Variants in TMEM263 observed in about 807,000 individuals in gnomAD.
TMEM263 encodes UPF0444 transmembrane protein C12orf23.
Under a neutral mutation model 8.6 loss-of-function variants are expected in TMEM263, and 5 were observed. The ratio of observed to expected loss-of-function variants is 0.58; its 90% confidence interval spans 0.31 to 1.23. The LOEUF is 1.23. Among genes scored for constraint, TMEM263 ranks in the 50% most tolerant of loss-of-function variants. The pLI is 0.07. For missense variants in TMEM263, 104 were observed against 138.8 expected (o/e 0.75, Z 1.26); for synonymous variants, 50 against 47.9 (o/e 1.04, Z -0.18).
chr12:106,968,361 GT>G (rs1254517564), intron 3 of TMEM263, among the ~76,000 whole-genome samples: 12 of 148,840 alleles, frequency 8.1e-5, no homozygotes, highest in Admixed American at 6.9e-4. Context: ...GGGCGACAGA[GT>G]GAGACTCCGT....
intron 1 of TMEM263, 92 bp downstream of exon 1, chr12:106,956,157 TC>T: frequency 1.6e-6 from 1 of 637,542 alleles, no homozygotes; most frequent in Non-Finnish European, 2.0e-6. Flanking sequence ...GCCCCTCACC[TC>T]CCAGTGCCCG....
At chr12:106,961,464 C>G (rs1383002265) in intron 2 of TMEM263, among the ~76,000 whole-genome samples, 1 of 151,684 alleles carries the variant, frequency 6.6e-6, no homozygotes. Context: ...AATTGCAAAC[C>G]AGGGAGAAAT....
intron 1 of TMEM263, 73 bp downstream of exon 1, chr12:106,956,138 G>T: frequency 1.2e-6 from 1 of 817,856 alleles, no homozygotes; most frequent in African/African-American, 1.8e-5. Flanking sequence ...CTCTGCCGTC[G>T]GCGCCCCTGC....
chr12:106,963,744 T>C (rs1323979846), intron 2 of TMEM263, among the ~76,000 whole-genome samples: 1 of 152,208 alleles, frequency 6.6e-6, no homozygotes, highest in African/African-American at 2.4e-5. Flanking sequence ...TATGCTCTCA[T>C]AAAGCAGAAC....
intron 2 of TMEM263, among the ~76,000 whole-genome samples, chr12:106,963,473 A>G (rs4964510): frequency 0.14 from 20,792 of 152,174 alleles, 2,015 homozygotes; most frequent in African/African-American, 0.26. Context: ...GCAGAATTCA[A>G]AGGTGACCCT....
chr12:106,968,185 C>G (rs1401371057), intron 3 of TMEM263, among the ~76,000 whole-genome samples: 1 of 152,074 alleles, frequency 6.6e-6, no homozygotes. Flanking sequence ...TTTCCTAGTT[C>G]TGTTACCCAT....
At chr12:106,961,277 A>G (rs1033261509) in intron 2 of TMEM263, among the ~76,000 whole-genome samples, 13 of 85,220 alleles carry the variant, frequency 1.5e-4, no homozygotes, top group African/African-American at 6.5e-4. Flanking sequence ...ACGGAGTCTC[A>G]TTATGTTTTC....
intron 3 of TMEM263, among the ~76,000 whole-genome samples, chr12:106,969,742 AT>A (rs1001760343): frequency 1.5e-4 from 22 of 150,398 alleles, no homozygotes; most frequent in South Asian, 4.2e-4. Context: ...AAAAAAAAAA[AT>A]ATTAGATTAC....
intron 2 of TMEM263, among the ~76,000 whole-genome samples, chr12:106,960,462 C>G (rs1241123012): frequency 2.6e-5 from 4 of 152,020 alleles, no homozygotes; most frequent in African/African-American, 4.8e-5. Flanking sequence ...AGAGTTGCTG[C>G]TTTCTTGTTT....
chr12:106,971,467 A>C lies in TMEM263; in HGVS notation c.*76A>C. 1 of 1,427,204 alleles carries C rather than the reference A, an allele frequency of 7.0e-7. No homozygotes were observed. Among genetic ancestry groups the C allele is most frequent in the Non-Finnish European group, 9.4e-7 (1 of 1,060,604 alleles). The allele number at this position is 1,427,204 out of a possible 1,614,324, so 88.4% of individuals were successfully genotyped here. On this transcript the variant is annotated 3_prime_UTR_variant, in exon 4 of 4. Coordinates refer to ENST00000280756, the MANE Select transcript of TMEM263 (RefSeq NM_152261.4). The stretch of plus-strand genomic sequence containing the variant: ...AATTGCTAAATTATGGACTACAACC[A>C]AGTCAACTGTTTTGGACGTTTATCT...
At chr12:106,965,512 CA>C (rs59403843) in intron 2 of TMEM263, among the ~76,000 whole-genome samples, 26,513 of 150,906 alleles carry the variant, frequency 0.18, 3,898 homozygotes, top group African/African-American at 0.39. Context: ...GAGGCTGAAG[CA>C]GAAGAATTAC....
chr12:106,970,992 T>C lies in TMEM263; in HGVS notation c.65-113T>C, dbSNP rs970774178. The C allele has an allele frequency of 1.6e-5, 18 of 1,097,262 alleles. No homozygotes were observed. In the East Asian group the frequency reaches 4.3e-4, roughly 26 times the overall value. 68.0% of individuals were successfully genotyped at this position (1,097,262 alleles called of 1,614,324 possible). On this transcript the variant is annotated intron_variant, in intron 3 of 3. Coordinates refer to ENST00000280756, the MANE Select transcript of TMEM263 (RefSeq NM_152261.4). ...GTCTTTGAATCAGTGTGGTTGGCCT[T>C]ATCAAATCAACCTCCTGTTGTGAGG...
intron 2 of TMEM263, among the ~76,000 whole-genome samples, chr12:106,961,389 A>T (rs776146002): frequency 4.6e-5 from 7 of 151,956 alleles, no homozygotes; most frequent in Non-Finnish European, 1.0e-4. Flanking sequence ...CACAAATACT[A>T]TCTGGCAGCT....
intron 2 of TMEM263, among the ~76,000 whole-genome samples, chr12:106,958,523 C>T (rs1236343797): frequency 6.6e-6 from 1 of 152,120 alleles, no homozygotes; most frequent in Non-Finnish European, 1.5e-5. Context: ...ATTATTTCTC[C>T]CCATCTCTAC....
chr12:106,973,624 T>C lies in TMEM263; in HGVS notation c.*2233T>C, dbSNP rs1440411001. On this transcript the variant is annotated 3_prime_UTR_variant, in exon 4 of 4. Coordinates refer to ENST00000280756, the MANE Select transcript of TMEM263 (RefSeq NM_152261.4). ...AATGTACAGTTAGTTATAGAGGTTC[T>C]TGTTGAAATGAACTTACCATCTGAT... The C allele has an allele frequency of 1.3e-5, 2 of 152,440 alleles. No homozygotes were observed. The highest frequency in any genetic ancestry group is 2.9e-5 in the Non-Finnish European group (2 of 68,022). 9.4% of individuals were successfully genotyped at this position (152,440 alleles called of 1,614,324 possible).
Position 106,971,138 on chromosome 12 carries a change from G to C in TMEM263, c.98G>C (p.Gly33Ala). 6.2e-7 allele frequency: 1 copy of C among 1,614,172 alleles called. No homozygotes were observed. Among genetic ancestry groups the C allele is most frequent in the Non-Finnish European group, 8.5e-7 (1 of 1,180,038 alleles). The stretch of plus-strand genomic sequence containing the variant: ...AAAGATCACCCACAGCAGCAGCCAG[G>C]CATGTTGTCCCGTGTGACTGGGGGT... ...SMKDHPQQQP[G>A]MLSRVTGGIF... The change falls in exon 4 of 4, where the codon GGC becomes GCC. Residue 33 changes from glycine to alanine, a missense_variant. Gly to Ala is a moderately conservative substitution (Grantham distance 60). Transcript: ENST00000280756.
At chr12:106,964,053 A>T (rs1383723391) in intron 2 of TMEM263, among the ~76,000 whole-genome samples, 1 of 152,130 alleles carries the variant, frequency 6.6e-6, no homozygotes, top group African/African-American at 2.4e-5. Context: ...GTCTATGTGT[A>T]TGGTATTAAT....
intron 2 of TMEM263, among the ~76,000 whole-genome samples, chr12:106,965,505 G>A (rs947035540): frequency 4.2e-5 from 6 of 142,210 alleles, no homozygotes; most frequent in Non-Finnish European, 7.4e-5. Context: ...TACTCGGGAG[G>A]CTGAAGCAGA....
At position 106,971,136 on chromosome 12, in the gene TMEM263, A is replaced by G. The variant is rs1226041370; in HGVS notation, c.96A>G (p.Pro32=). ...TGAAAGATCACCCACAGCAGCAGCC[A>G]GGCATGTTGTCCCGTGTGACTGGGG... ...GSMKDHPQQQ[P]GMLSRVTGGI... is the part of the protein sequence containing the mutation. Residue 32 remains proline, a synonymous_variant, in exon 4 of 4, where the codon CCA becomes CCG. Coordinates refer to ENST00000280756, the MANE Select transcript of TMEM263 (RefSeq NM_152261.4). 2 of 1,614,206 alleles carry G rather than the reference A, an allele frequency of 1.2e-6. No homozygotes were observed. Among genetic ancestry groups the G allele is most frequent in the Middle Eastern group, 3.3e-4 (2 of 6,062 alleles).
Sources: allele counts gnomAD v4.1 joint callset (sites outside exome capture counted in the v4.1 genomes callset), GRCh38; gene constraint gnomAD v4.1.1; transcripts MANE v1.5; gene names NCBI Gene and HGNC (gene_info 2026-07-23, HGNC 2026-07-21).